Variants in SCAMP1 observed in about 807,000 individuals in gnomAD.
SCAMP1 encodes the protein secretory carrier membrane protein 1.
SCAMP1 carries 15 observed loss-of-function variants against 41.8 expected under a neutral mutation model. The ratio of observed to expected loss-of-function variants is 0.36; its 90% confidence interval spans 0.24 to 0.55. SCAMP1 has a LOEUF of 0.55. Ranked by LOEUF, SCAMP1 falls within the 20% of genes least tolerant of loss-of-function variation. The probability of loss-of-function intolerance (pLI) is 0.86; values close to 1 mark genes in which losing one functional copy is unlikely to be tolerated. For synonymous variants in SCAMP1, 135 were observed against 136.8 expected (o/e 0.99, Z 0.09); for missense variants, 341 against 412.6 (o/e 0.83, Z 1.50).
chr5:78,421,608 C>A (rs772101825), intron 5 of SCAMP1, among the ~76,000 whole-genome samples, 193 bp from the exon 6 acceptor site: 1 of 152,104 alleles, frequency 6.6e-6, no homozygotes, highest in Non-Finnish European at 1.5e-5. Flanking sequence ...TATTAAGACT[C>A]GCTTTCCTGT....
At chr5:78,446,912 C>T (rs1753065012) in intron 6 of SCAMP1, among the ~76,000 whole-genome samples, 1 of 152,170 alleles carries the variant, frequency 6.6e-6, no homozygotes, top group Non-Finnish European at 1.5e-5. Context: ...GGGTCTCCAA[C>T]CCCTGGGCTG....
At chr5:78,468,833 A>C (rs975189561) in intron 8 of SCAMP1, among the ~76,000 whole-genome samples, 2 of 152,080 alleles carry the variant, frequency 1.3e-5, no homozygotes, top group East Asian at 3.9e-4. Context: ...TTTTATGGTA[A>C]ATGCTTTGTG....
intron 8 of SCAMP1, among the ~76,000 whole-genome samples, chr5:78,469,549 G>T (rs1753822470): frequency 6.6e-6 from 1 of 150,950 alleles, no homozygotes; most frequent in Non-Finnish European, 1.5e-5. Context: ...CTACTTAATA[G>T]ATCCCAAATC....
intron 2 of SCAMP1, among the ~76,000 whole-genome samples, chr5:78,411,827 T>C (rs1303396382): frequency 6.6e-6 from 1 of 152,146 alleles, no homozygotes; most frequent in African/African-American, 2.4e-5. Flanking sequence ...CTTCTATGGC[T>C]CTTGAAACAT....
chr5:78,397,388 ATAAGAG>A (rs1751679260), intron 2 of SCAMP1, among the ~76,000 whole-genome samples: 1 of 152,018 alleles, frequency 6.6e-6, no homozygotes, highest in Non-Finnish European at 1.5e-5. Flanking sequence ...AGAAGAAGAC[ATAAGAG>A]TAAATCTTCA....
rs894441633 is a variant in SCAMP1 at position 78,475,985 on chromosome 5, G to T, written c.*317G>T. 1 of 162,306 alleles carries T rather than the reference G, an allele frequency of 6.2e-6. No homozygotes were observed. Among genetic ancestry groups the T allele is most frequent in the African/African-American group, 2.4e-5 (1 of 41,772 alleles). The allele number at this position is 162,306 out of a possible 1,614,324, so 10.1% of individuals were successfully genotyped here. The stretch of plus-strand genomic sequence containing the variant: ...AATAATGGTACTTATGATTAAAAAC[G>T]CATTTAATACTAACTGCAGTAGTTC... On this transcript the variant is annotated 3_prime_UTR_variant, in exon 9 of 9. Coordinates refer to ENST00000621999, the MANE Select transcript of SCAMP1 (RefSeq NM_004866.6).
chr5:78,421,730 AT>A lies in SCAMP1; in HGVS notation c.473-65del, dbSNP rs1245186321. The A allele has an allele frequency of 1.3e-5, 18 of 1,370,482 alleles. No homozygotes were observed. The Middle Eastern group carries it at 2.2e-3, about 171-fold the overall frequency. 84.9% of individuals were successfully genotyped at this position (1,370,482 alleles called of 1,614,324 possible). On this transcript the variant is annotated intron_variant, in intron 5 of 8. Transcript: ENST00000621999. The stretch of plus-strand genomic sequence containing the variant: ...CTTAGGAAGTATTTTTTTATTTACA[AT>A]TTTTTGTTGGATGAATTCATAAATT...
chr5:78,460,904 G>A (rs1209405491), intron 8 of SCAMP1, among the ~76,000 whole-genome samples: 1 of 151,424 alleles, frequency 6.6e-6, no homozygotes, highest in Non-Finnish European at 1.5e-5. Context: ...CACCCAGGCT[G>A]GAGTGCAGTG....
intron 2 of SCAMP1, among the ~76,000 whole-genome samples, chr5:78,394,151 C>T (rs747417197): frequency 2.0e-5 from 3 of 151,876 alleles, no homozygotes; most frequent in African/African-American, 7.3e-5. Flanking sequence ...GGGGGTATGC[C>T]CAGATGGTCA....
chr5:78,367,728 G>C (rs769177225), intron 1 of SCAMP1, among the ~76,000 whole-genome samples: 1 of 152,170 alleles, frequency 6.6e-6, no homozygotes, highest in East Asian at 1.9e-4. Flanking sequence ...CGAGGTAGTC[G>C]TAGGATAACT....
chr5:78,452,078 A>C (rs930012821), intron 7 of SCAMP1, among the ~76,000 whole-genome samples: 18 of 152,206 alleles, frequency 1.2e-4, no homozygotes, highest in South Asian at 4.1e-4. Context: ...GCTGCCATGA[A>C]ATTTGTGAAT....
intron 4 of SCAMP1, among the ~76,000 whole-genome samples, chr5:78,418,498 T>G (rs577898919): frequency 6.6e-6 from 1 of 152,298 alleles, no homozygotes; most frequent in South Asian, 2.1e-4. Flanking sequence ...TGTTTCTTGT[T>G]TTTTCTGTAC....
chr5:78,463,617 A>T (rs966584758), intron 8 of SCAMP1, among the ~76,000 whole-genome samples: 1 of 152,204 alleles, frequency 6.6e-6, no homozygotes, highest in Non-Finnish European at 1.5e-5. Flanking sequence ...TTCAAGAAGC[A>T]TTTATTAAGA....
At chr5:78,449,000 C>CAAA (rs370076536) in intron 6 of SCAMP1, among the ~76,000 whole-genome samples, 279 of 136,462 alleles carry the variant, frequency 2.0e-3, no homozygotes, top group African/African-American at 4.5e-3. Context: ...AACTCCGTCT[C>CAAA]AAAAAAAAAA....
chr5:78,462,994 A>G (rs979190596), intron 8 of SCAMP1, among the ~76,000 whole-genome samples: 2 of 138,890 alleles, frequency 1.4e-5, no homozygotes, highest in East Asian at 4.1e-4. Flanking sequence ...AGGAATGCAT[A>G]GAAATAATTT....
chr5:78,428,328 C>A (rs551836863), intron 6 of SCAMP1, among the ~76,000 whole-genome samples: 2 of 152,180 alleles, frequency 1.3e-5, no homozygotes, highest in East Asian at 3.9e-4. Flanking sequence ...TGTAAATTAT[C>A]TTTTTGTACT....
intron 6 of SCAMP1, among the ~76,000 whole-genome samples, chr5:78,432,436 G>C (rs1211630859): frequency 6.6e-6 from 1 of 151,894 alleles, no homozygotes; most frequent in Non-Finnish European, 1.5e-5. Context: ...TTCATTTTTT[G>C]TTCATCTTTG....
intron 7 of SCAMP1, among the ~76,000 whole-genome samples, chr5:78,457,412 C>A (rs1168491977): frequency 2.0e-5 from 3 of 151,888 alleles, no homozygotes; most frequent in Non-Finnish European, 4.4e-5. Context: ...CAGACAGGAC[C>A]CTCAGCTGCA....
intron 2 of SCAMP1, 72 bp from the exon 3 acceptor site, chr5:78,415,448 T>G: frequency 2.3e-6 from 2 of 866,842 alleles, no homozygotes; most frequent in East Asian, 2.7e-5. Context: ...ATTTTATTGG[T>G]GTTATACTTT....
Sources: gnomAD v4.1 joint callset for allele counts (sites outside exome capture counted in the v4.1 genomes callset) on GRCh38, gnomAD v4.1.1 for gene constraint, MANE v1.5 for transcripts, NCBI Gene and HGNC (gene_info 2026-07-23, HGNC 2026-07-21) for gene names.